RNF217: variants seen among roughly 807,000 people sequenced by gnomAD.
RNF217 encodes ring finger protein 217, also known as E3 ubiquitin-protein ligase RNF217.
Under a neutral mutation model 57.8 loss-of-function variants are expected in RNF217, and 31 were observed. The observed-to-expected ratio is 0.54, with a 90% confidence interval of 0.40 to 0.72. The LOEUF (loss-of-function observed/expected upper bound fraction) is 0.72. RNF217 is among the 30% of genes least tolerant of loss of function. The pLI is 0.00. For missense variants in RNF217, 696 were observed against 708.3 expected, an observed-to-expected ratio of 0.98 and a Z score of 0.20; for synonymous variants, 313 against 294.0, an observed-to-expected ratio of 1.06 and a Z score of -0.66.
At chr6:124,986,777 T>C (rs1443563520) in intron 1 of RNF217, among the ~76,000 whole-genome samples, 1 of 152,154 alleles carries the variant, frequency 6.6e-6, no homozygotes, top group African/African-American at 2.4e-5. Context: ...AAGACAAATT[T>C]CCACATATTT....
At chr6:124,971,915 G>T (rs572445862) in intron 1 of RNF217, among the ~76,000 whole-genome samples, 2 of 152,164 alleles carry the variant, frequency 1.3e-5, no homozygotes. Flanking sequence ...TATACTGTTA[G>T]TGGGGCCATC....
chr6:125,045,527 G>T, intron 2 of RNF217, 83 bp downstream of exon 2: 1 of 972,430 alleles, frequency 1.0e-6, no homozygotes, highest in South Asian at 1.6e-5. Flanking sequence ...GGGCATTAAG[G>T]GGGCATCTTT....
chr6:125,031,939 G>C (rs1786379376), intron 1 of RNF217, among the ~76,000 whole-genome samples: 1 of 152,188 alleles, frequency 6.6e-6, no homozygotes, highest in Non-Finnish European at 1.5e-5. Context: ...TGGACTTACA[G>C]TTCCGCATGT....
Position 124,962,585 on chromosome 6 carries a change from C to A in RNF217, c.41C>A (p.Pro14His). The change falls in exon 1 of 6, where the codon CCC (proline) becomes CAC (histidine). Residue 14 changes from proline to histidine, a missense_variant. Physicochemically the swap from Pro to His is moderately conservative, Grantham distance 77. Around this residue, in one of 2 missense-constraint regions of RNF217, gnomAD observed 465 missense variants for 386.8 expected, o/e 1.20. Coordinates refer to ENST00000521654, the MANE Select transcript of RNF217 (RefSeq NM_001286398.3). This position sits in a 1 kb window ranked among gnomAD's most constrained non-coding sequence, Gnocchi z 4.6. The stretch of plus-strand genomic sequence containing the variant: ...AGCACGGTGAGCGGCGGCGGCGGGC[C>A]CCAGGAGTCGCAGACCCTGGCCAGT... ...EQSTVSGGGG[P>H]QESQTLASGT... 3.1e-6 allele frequency: 4 copies of A among 1,280,898 alleles called. No individual in the cohort carries two copies. Among genetic ancestry groups the A allele is most frequent in the Non-Finnish European group, 3.9e-6 (4 of 1,019,162 alleles). The allele number at this position is 1,280,898 out of a possible 1,614,324, so 79.3% of individuals were successfully genotyped here. A position where few individuals can be genotyped will look rare whatever the true frequency, so the allele number is the denominator to read the frequency against.
rs922924040 is a variant in RNF217, at chr6:125,086,710, A to G, written c.*3773A>G. ...TTGTTGCCACCACCTTGATTTTCTC[A>G]TAGGTGCTATTGTGTCCTAAGAGTA... is the stretch of plus-strand genomic sequence containing the variant. On this transcript the variant is annotated 3_prime_UTR_variant, in exon 6 of 6. Transcript: ENST00000521654. 6.6e-6 allele frequency: 1 copy of G among 152,142 alleles called. No homozygotes were observed. The highest frequency in any genetic ancestry group is 1.5e-5 in the Non-Finnish European group (1 of 68,000). The allele number at this position is 152,142 out of a possible 1,614,324, so 9.4% of individuals were successfully genotyped here. A position where few individuals can be genotyped will look rare whatever the true frequency, so the allele number is the denominator to read the frequency against.
chr6:125,060,838 C>G (rs1787704938), intron 3 of RNF217, among the ~76,000 whole-genome samples: 1 of 152,138 alleles, frequency 6.6e-6, no homozygotes, highest in African/African-American at 2.4e-5. Context: ...CAGAATTCTG[C>G]CGCCCCAGTG....
At chr6:124,979,650 A>G (rs1784085611) in intron 1 of RNF217, among the ~76,000 whole-genome samples, 2 of 152,180 alleles carry the variant, frequency 1.3e-5, no homozygotes, top group African/African-American at 2.4e-5. Flanking sequence ...GATGACTTAC[A>G]AAGGTAATAG....
At chr6:125,020,025 T>A (rs1310000309) in intron 1 of RNF217, among the ~76,000 whole-genome samples, 7 of 152,136 alleles carry the variant, frequency 4.6e-5, no homozygotes, top group African/African-American at 1.4e-4. Flanking sequence ...GGCCAGGTGC[T>A]GGTCTCTCTT....
Position 125,087,419 on chromosome 6 carries a change from G to A in RNF217, c.*4482G>A, listed in dbSNP as rs1376219564. ...GTGGCTGAAATCTCTCCCAACTATT[G>A]AGAGTGATCTTTCCCATGGTCTGCT... On this transcript the variant is annotated 3_prime_UTR_variant, in exon 6 of 6. Coordinates refer to ENST00000521654, the MANE Select transcript of RNF217 (RefSeq NM_001286398.3). The A allele has an allele frequency of 6.6e-6, 1 of 152,052 alleles. No individual in the cohort carries two copies. Among genetic ancestry groups the A allele is most frequent in the Non-Finnish European group, 1.5e-5 (1 of 67,998 alleles). 9.4% of individuals were successfully genotyped at this position (152,052 alleles called of 1,614,324 possible).
At chr6:124,990,371 A>T (rs991731339) in intron 1 of RNF217, among the ~76,000 whole-genome samples, 2 of 152,208 alleles carry the variant, frequency 1.3e-5, no homozygotes, top group Non-Finnish European at 2.9e-5. Context: ...AGACAGTTTC[A>T]TGGAACTCCA....
chr6:125,057,956 C>T lies in RNF217; in HGVS notation c.1131C>T (p.Thr377=), dbSNP rs1209049782. ...SESKYKIQCP[T]CQFVWCFKCH... ...TTCTTACACAGATCCAGTGCCCTAC[C>T]TGCCAATTCGTCTGGTGTTTTAAGT... The change falls in exon 3 of 6, where the codon ACC becomes ACT. Residue 377 remains threonine (T), a synonymous_variant. Coordinates refer to ENST00000521654, the MANE Select transcript of RNF217 (RefSeq NM_001286398.3). 2.5e-6 allele frequency: 4 copies of T among 1,609,966 alleles called. No individual in the cohort carries two copies. Among genetic ancestry groups the T allele is most frequent in the Non-Finnish European group, 3.4e-6 (4 of 1,177,768 alleles).
rs1283503515 is a variant in RNF217, at chr6:125,092,330, A to ACTT, written c.*9393_*9394insCTT. On this transcript the variant is annotated 3_prime_UTR_variant, in exon 6 of 6. Transcript: ENST00000521654. ...AGACGGACACCTTGTGATATTTTGG[A>ACTT]GTCTAATTTCCGACTTTTCGTAATG... 20 of 152,318 alleles carry ACTT rather than the reference A, an allele frequency of 1.3e-4. No individual in the cohort carries two copies. The East Asian group carries it at 2.5e-3, about 19-fold the overall frequency. 9.4% of individuals were successfully genotyped at this position (152,318 alleles called of 1,614,324 possible).
intron 3 of RNF217, among the ~76,000 whole-genome samples, chr6:125,072,628 A>T (rs948208021): frequency 6.6e-6 from 1 of 152,214 alleles, no homozygotes; most frequent in Non-Finnish European, 1.5e-5. Context: ...AGTGAAAATT[A>T]TATGTGAAAT....
intron 1 of RNF217, among the ~76,000 whole-genome samples, chr6:124,984,284 C>T (rs1053207750): frequency 1.3e-5 from 2 of 152,094 alleles, no homozygotes; most frequent in Non-Finnish European, 2.9e-5. Context: ...TAGTGGCTCA[C>T]GCCTGTAATT....
chr6:124,994,725 A>G (rs192950843), intron 1 of RNF217, among the ~76,000 whole-genome samples: 22 of 152,322 alleles, frequency 1.4e-4, no homozygotes, highest in African/African-American at 5.3e-4. Context: ...AGTAAGTGCT[A>G]CTTTAGGCAG....
At chr6:124,975,682 C>T (rs1283817563) in intron 1 of RNF217, among the ~76,000 whole-genome samples, 1 of 152,140 alleles carries the variant, frequency 6.6e-6, no homozygotes, top group Admixed American at 6.5e-5. Context: ...AGCGATCTAA[C>T]CACCTGGGCC....
intron 1 of RNF217, among the ~76,000 whole-genome samples, chr6:125,028,450 T>C (rs995156010): frequency 7.2e-5 from 11 of 152,154 alleles, no homozygotes; most frequent in Admixed American, 1.3e-4. Context: ...ACTGAGTGTA[T>C]ATAGTGTATA....
intron 3 of RNF217, among the ~76,000 whole-genome samples, chr6:125,074,594 AT>A (rs780201235): frequency 6.6e-6 from 1 of 152,152 alleles, no homozygotes; most frequent in Non-Finnish European, 1.5e-5. Flanking sequence ...ACAAGGTTTT[AT>A]TTTAAAGTAA....
chr6:124,978,975 G>C (rs1001370002), intron 1 of RNF217, among the ~76,000 whole-genome samples: 1 of 152,184 alleles, frequency 6.6e-6, no homozygotes, highest in Non-Finnish European at 1.5e-5. Flanking sequence ...AAGCTGATTG[G>C]TCCATGGGTG....
Sources: allele counts gnomAD v4.1 joint callset (sites outside exome capture counted in the v4.1 genomes callset), GRCh38; gene constraint gnomAD v4.1.1; regional missense constraint gnomAD v4.1.1; non-coding constraint Gnocchi (gnomAD v3.1); transcripts MANE v1.5; gene names NCBI Gene and HGNC (gene_info 2026-07-23, HGNC 2026-07-21).